The following ACOT11 variants were observed in gnomAD, a reference collection of about 807,000 sequenced individuals.
ACOT11 encodes acyl-CoA thioesterase 11, also known as acyl-coenzyme A thioesterase 11.
ACOT11 carries 69 observed loss-of-function variants against 77.5 expected under a neutral mutation model. The observed-to-expected ratio is 0.89, with a 90% CI of 0.73 to 1.09. ACOT11 has a LOEUF of 1.09. Ranked by LOEUF, ACOT11 falls within the 50% of genes least tolerant of loss-of-function variation. The pLI, the probability that ACOT11 is intolerant of heterozygous loss-of-function variation, is 0.00. For missense variants in ACOT11, 766 were observed against 813.7 expected, an observed-to-expected ratio of 0.94 and a Z score of 0.71; for synonymous variants, 279 against 313.0, an observed-to-expected ratio of 0.89 and a Z score of 1.15.
chr1:54,589,755 A>C (rs181899081), intron 3 of ACOT11, among the ~76,000 whole-genome samples: 15 of 152,216 alleles, frequency 9.9e-5, no homozygotes, highest in Admixed American at 3.9e-4. Flanking sequence ...CTAAAGCATT[A>C]AGATAACAAG....
chr1:54,602,365 T>G (rs1422257650), intron 9 of ACOT11, among the ~76,000 whole-genome samples: 1 of 152,058 alleles, frequency 6.6e-6, no homozygotes, highest in Non-Finnish European at 1.5e-5. Context: ...GTGTAGTGAG[T>G]GCTCAGTAAA....
chr1:54,565,053 G>A (rs544679848), intron 1 of ACOT11, among the ~76,000 whole-genome samples: 35 of 152,250 alleles, frequency 2.3e-4, no homozygotes, highest in African/African-American at 7.5e-4. Flanking sequence ...TCTCAGCACC[G>A]TCTTCCCCCA....
chr1:54,571,248 G>T (rs2100962102), intron 1 of ACOT11, among the ~76,000 whole-genome samples: 1 of 152,166 alleles, frequency 6.6e-6, no homozygotes, highest in East Asian at 1.9e-4. Context: ...TGTCCTCTTT[G>T]CCAGCCCCCA....
intron 1 of ACOT11, among the ~76,000 whole-genome samples, chr1:54,569,274 A>G (rs549869827): frequency 4.7e-4 from 72 of 152,054 alleles, no homozygotes; most frequent in African/African-American, 1.7e-3. Flanking sequence ...GGGAGTTTTT[A>G]AAAAGATTTA....
intron 1 of ACOT11, among the ~76,000 whole-genome samples, chr1:54,552,502 G>A (rs980317604): frequency 1.3e-5 from 2 of 152,026 alleles, no homozygotes; most frequent in South Asian, 4.1e-4. Flanking sequence ...GTTTGTTTTT[G>A]AGGCAGAGTC....
chr1:54,568,471 TCTC>T (rs1653816330), intron 1 of ACOT11, among the ~76,000 whole-genome samples: 1 of 150,806 alleles, frequency 6.6e-6, no homozygotes, highest in Admixed American at 6.6e-5. Flanking sequence ...TTCAAGCAAT[TCTC>T]CTGCCTCAGC....
chr1:54,597,507 GT>G (rs1291024966), intron 7 of ACOT11, 92 bp downstream of exon 7: 2 of 1,453,552 alleles, frequency 1.4e-6, no homozygotes, highest in African/African-American at 1.4e-5. Context: ...CCAGCTTGGG[GT>G]TGGCATTCAA....
chr1:54,594,483 G>C, intron 5 of ACOT11, 73 bp from the exon 6 acceptor site: 1 of 1,538,052 alleles, frequency 6.5e-7, no homozygotes, highest in East Asian at 2.3e-5. Flanking sequence ...ATGGCATGGT[G>C]CTGGGGACAG....
exon 17 of ACOT11, chr1:54,634,878 T>A: frequency 1.9e-6 from 1 of 516,114 alleles, no homozygotes; most frequent in East Asian, 3.1e-5. Flanking sequence ...TAAGAACAGA[T>A]CAAGAAGCTG....
At chr1:54,577,556 T>TC (rs1409685047) in intron 1 of ACOT11, among the ~76,000 whole-genome samples, 2 of 152,344 alleles carry the variant, frequency 1.3e-5, no homozygotes, top group South Asian at 4.1e-4. Flanking sequence ...TATATTACAA[T>TC]TTATTCATTT....
At chr1:54,613,103 G>A (rs933783686), downstream of ACOT11, among the ~76,000 whole-genome samples, 1 of 152,136 alleles carries the variant, frequency 6.6e-6, no homozygotes, top group African/African-American at 2.4e-5. Flanking sequence ...CCTCCTGCCA[G>A]GTGTGGTGGC....
In ACOT11 at chr1:54,610,176, GTGCCGGCCTTGCCTGCAGCAATGTAGC is replaced by G; in HGVS notation, c.*1067_*1093del. The stretch of plus-strand genomic sequence containing the variant: ...TACCCATGACTCAGCCTGGGGGCTG[GTGCCGGCCTTGCCTGCAGCAATGTAGC>G]TGAGGACTGGTCTGAAGGCCAGGAG... On this transcript the variant is annotated 3_prime_UTR_variant, in exon 16 of 16. Transcript: ENST00000343744. The G allele has an allele frequency of 7.0e-7, 1 of 1,433,054 alleles. No homozygotes were observed. The highest frequency in any genetic ancestry group is 1.4e-5 in the African/African-American group (1 of 69,728). 88.8% of individuals were successfully genotyped at this position (1,433,054 alleles called of 1,614,324 possible). A position where few individuals can be genotyped will look rare whatever the true frequency, so the allele number is the denominator to read the frequency against.
At chr1:54,562,123 G>A (rs1172446176) in intron 1 of ACOT11, among the ~76,000 whole-genome samples, 16 of 65,552 alleles carry the variant, frequency 2.4e-4, no homozygotes, top group Admixed American at 4.2e-4. Flanking sequence ...CGGACGGGGC[G>A]GCTGGCCGGG....
chr1:54,563,531 T>A lies in ACOT11; in HGVS notation c.33+15189T>A, dbSNP rs116144836. On this transcript the variant is annotated intron_variant, in intron 1 of 15. Transcript: ENST00000343744. Reference sequence around the variant, plus strand: ...GAAAAGCCTGAAACTTAGTAGGTGCTTAGTAAGGATGCACCAGGATTCCAG... The same window carrying A: ...GAAAAGCCTGAAACTTAGTAGGTGCATAGTAAGGATGCACCAGGATTCCAG... Among the ~76,000 whole-genome samples, 1,013 of 152,346 alleles carry A rather than the reference T, an allele frequency of 6.6e-3. 9 individuals are homozygous for A. Among genetic ancestry groups the A allele is most frequent in the African/African-American group, 0.023 (937 of 41,568 alleles).
At chr1:54,600,601 T>G (rs926606259) in intron 8 of ACOT11, among the ~76,000 whole-genome samples, 1 of 152,148 alleles carries the variant, frequency 6.6e-6, no homozygotes, top group Non-Finnish European at 1.5e-5. Context: ...GAGAATCCCT[T>G]GAATCCAAGA....
chr1:54,623,812 G>C (rs1012760666), intron 15 of ACOT11, among the ~76,000 whole-genome samples: 1 of 152,148 alleles, frequency 6.6e-6, no homozygotes, highest in African/African-American at 2.4e-5. Flanking sequence ...ATTTCCTTCC[G>C]TGTAAAAGGA....
chr1:54,567,793 C>T (rs1252573733), intron 1 of ACOT11, among the ~76,000 whole-genome samples: 3 of 152,156 alleles, frequency 2.0e-5, no homozygotes, highest in Non-Finnish European at 2.9e-5. Context: ...ATCCTGGCTC[C>T]ACCTCTCTGC....
chr1:54,601,070 TATGTGAGTGTGTGTGTGCATAC>T lies in ACOT11; in HGVS notation c.885-193_885-172del, dbSNP rs1469136335. On this transcript the variant is annotated intron_variant, in intron 8 of 15. Coordinates refer to ENST00000343744, the MANE Select transcript of ACOT11 (RefSeq NM_147161.4). ...CGTTGCTGGAAGAACTGCAGGAGTG[TATGTGAGTGTGTGTGTGCATAC>T]ATGTGTGTGTATGTGTGTGCATACA... Among the ~76,000 whole-genome samples the T allele has an allele frequency of 1.6e-4, 25 of 152,146 alleles. 1 individual carries two copies. In the East Asian group the frequency reaches 4.8e-3, roughly 29 times the overall value.
chr1:54,605,250 G>A (rs371547159), intron 13 of ACOT11, 41 bp downstream of exon 13: 113 of 1,598,710 alleles, frequency 7.1e-5, no homozygotes, highest in Admixed American at 3.7e-4. Flanking sequence ...TCCCTTCTCC[G>A]GCCTGATGAG....
Sources: allele counts gnomAD v4.1 joint callset (sites outside exome capture counted in the v4.1 genomes callset), GRCh38; gene constraint gnomAD v4.1.1; transcripts MANE v1.5; gene names NCBI Gene and HGNC (gene_info 2026-07-23, HGNC 2026-07-21).